Variants in NBAS observed in about 807,000 individuals in gnomAD.
The protein encoded by NBAS is NAG/BC035112 fusion.
A neutral mutation model predicts 302.5 loss-of-function variants in NBAS; 219 were observed. The ratio of observed to expected loss-of-function variants is 0.72; its 90% CI spans 0.65 to 0.81. NBAS has a LOEUF of 0.81. NBAS is among the 30% of genes least tolerant of loss of function. The pLI is 0.00. For missense variants in NBAS, 2,932 were observed against 2,841.6 expected, an observed-to-expected ratio of 1.03 and a Z score of -0.72; for synonymous variants, 1,118 against 1,021.6, an observed-to-expected ratio of 1.09 and a Z score of -1.80.
chr2:15,331,882 T>G (rs1672371255), intron 35 of NBAS, among the ~76,000 whole-genome samples: 1 of 152,100 alleles, frequency 6.6e-6, no homozygotes, highest in African/African-American at 2.4e-5. Context: ...AGTGAGGAGA[T>G]TATCCTGAAT....
At chr2:14,979,826 A>G in the NBAS span, among the ~76,000 whole-genome samples, 1 of 152,188 alleles carries the variant, frequency 6.6e-6, no homozygotes, top group Non-Finnish European at 1.5e-5. Context: ...TCTCCTGGTT[A>G]GTGCGTTAGG....
intron 33 of NBAS, 25 bp from the exon 34 acceptor site, chr2:15,353,735 T>G (rs1442304062): frequency 6.2e-7 from 1 of 1,613,660 alleles, no homozygotes; most frequent in South Asian, 1.1e-5. Flanking sequence ...AGGAAAAAAA[T>G]GATTCCCAAA....
At position 15,301,742 on chromosome 2, in the gene NBAS, G is replaced by A. The variant is rs185426267; in HGVS notation, c.4797+6474C>T. Among the ~76,000 whole-genome samples the A allele has an allele frequency of 7.9e-5, 12 of 152,364 alleles. No homozygotes were observed. The South Asian group carries it at 1.4e-3, about 18-fold the overall frequency. On this transcript the variant is annotated intron_variant, in intron 40 of 51. Transcript: ENST00000281513. ...CAGGGGAGTACAAAAGCACATGGGG[G>A]AGGACCCAATCCAGCTTGGAGGACT...
the NBAS span, among the ~76,000 whole-genome samples, chr2:15,108,732 A>G: frequency 6.6e-6 from 1 of 152,128 alleles, no homozygotes; most frequent in East Asian, 1.9e-4. Context: ...TTGATTGCCT[A>G]TAGTCTGTCA....
intron 38 of NBAS, among the ~76,000 whole-genome samples, chr2:15,315,736 G>A (rs1558527387): frequency 6.6e-6 from 1 of 152,206 alleles, no homozygotes; most frequent in East Asian, 1.9e-4. Context: ...TGTTGTTGAA[G>A]TTATCTCATG....
chr2:14,924,548 C>G, the NBAS span, among the ~76,000 whole-genome samples: 1 of 152,204 alleles, frequency 6.6e-6, no homozygotes, highest in Non-Finnish European at 1.5e-5. Flanking sequence ...ACAGTCCCCC[C>G]AATGGAGCTG....
chr2:15,484,306 T>G (rs1471977126), intron 12 of NBAS, among the ~76,000 whole-genome samples: 1 of 152,162 alleles, frequency 6.6e-6, no homozygotes, highest in African/African-American at 2.4e-5. Context: ...CTTCTAAATG[T>G]AAGTACTGTA....
chr2:14,782,265 A>T, the NBAS span, among the ~76,000 whole-genome samples: 17 of 152,288 alleles, frequency 1.1e-4, no homozygotes, highest in South Asian at 3.5e-3. Context: ...TGTTCTTAAA[A>T]CAATGTTCCC....
intron 21 of NBAS, among the ~76,000 whole-genome samples, chr2:15,458,337 T>G (rs7593184): frequency 0.61 from 92,892 of 151,984 alleles, 29,331 homozygotes; most frequent in Non-Finnish European, 0.68. Context: ...TTAGATGTTT[T>G]TTCCCACCAA....
chr2:15,430,975 A>ATAT (rs1677737366), intron 21 of NBAS, among the ~76,000 whole-genome samples: 1 of 144,410 alleles, frequency 6.9e-6, no homozygotes, highest in Non-Finnish European at 1.5e-5. Flanking sequence ...GGCCCGGCTA[A>ATAT]TTTTTTTTTT....
the NBAS span, among the ~76,000 whole-genome samples, chr2:14,815,239 G>T: frequency 6.6e-6 from 1 of 152,166 alleles, no homozygotes; most frequent in Non-Finnish European, 1.5e-5. Flanking sequence ...AAGGCTTAGG[G>T]CATGCACATC....
At chr2:14,860,810 G>T in the NBAS span, among the ~76,000 whole-genome samples, 2 of 152,190 alleles carry the variant, frequency 1.3e-5, no homozygotes, top group Non-Finnish European at 1.5e-5. Context: ...ATAAACTGAG[G>T]TAGATTTCAA....
At chr2:15,054,867 T>C in the NBAS span, among the ~76,000 whole-genome samples, 2 of 152,308 alleles carry the variant, frequency 1.3e-5, no homozygotes, top group Middle Eastern at 3.4e-3. Context: ...AAGATGTTAA[T>C]AGAGAGTCCA....
intron 42 of NBAS, among the ~76,000 whole-genome samples, chr2:15,283,127 T>C (rs1669895906): frequency 6.6e-6 from 1 of 152,188 alleles, no homozygotes; most frequent in Non-Finnish European, 1.5e-5. Context: ...CTTAACACTA[T>C]GCTGGGAATA....
chr2:14,964,946 A>G, the NBAS span, among the ~76,000 whole-genome samples: 2 of 152,168 alleles, frequency 1.3e-5, no homozygotes, highest in East Asian at 3.8e-4. Context: ...CCATATAATC[A>G]AAGAATAAAT....
At chr2:15,320,311 G>A (rs1671737723) in intron 38 of NBAS, among the ~76,000 whole-genome samples, 1 of 152,076 alleles carries the variant, frequency 6.6e-6, no homozygotes, top group South Asian at 2.1e-4. Context: ...GGCAAAAACT[G>A]GAAGCATTCC....
chr2:14,938,560 A>G, the NBAS span, among the ~76,000 whole-genome samples: 13 of 152,226 alleles, frequency 8.5e-5, no homozygotes, highest in Non-Finnish European at 5.9e-5. Context: ...AAGACTAACT[A>G]TGATTTACAA....
chr2:15,303,724 G>A (rs942890193), intron 40 of NBAS, among the ~76,000 whole-genome samples: 1 of 152,126 alleles, frequency 6.6e-6, no homozygotes, highest in Non-Finnish European at 1.5e-5. Flanking sequence ...TTTACTATCA[G>A]GGAAAACAAG....
rs201218082 is a variant in NBAS at position 15,398,090 on chromosome 2, C to CGTGTGTGT, written c.3072-1623_3072-1616dup. Among the ~76,000 whole-genome samples, 811 of 149,880 alleles carry CGTGTGTGT rather than the reference C, an allele frequency of 5.4e-3. 7 individuals are homozygous for CGTGTGTGT. The highest frequency in any genetic ancestry group is 0.018 in the African/African-American group (728 of 41,002). On this transcript the variant is annotated intron_variant, in intron 26 of 51. Transcript: ENST00000281513. ...ACTTCCCTTAACATACTCAGTCAGC[C>CGTGTGTGT]GTGTGTGTGTGTGTGTGTTTGTGTA...
Sources: allele counts gnomAD v4.1 joint callset (sites outside exome capture counted in the v4.1 genomes callset), GRCh38; gene constraint gnomAD v4.1.1; transcripts MANE v1.5; gene names NCBI Gene and HGNC (gene_info 2026-07-23, HGNC 2026-07-21).